Variants in DCHS2 observed in about 807,000 individuals in gnomAD.
The protein encoded by DCHS2 is dachsous cadherin-related 2.
Under a neutral mutation model 182.4 loss-of-function variants are expected in DCHS2, and 142 were observed. The ratio of observed to expected loss-of-function variants is 0.78; its 90% confidence interval spans 0.68 to 0.89. The LOEUF is 0.89. DCHS2 is among the 40% of genes least tolerant of loss of function. The pLI is 0.00. For synonymous variants in DCHS2, 1,740 were observed against 1,663.3 expected, an observed-to-expected ratio of 1.05 and a Z score of -1.12; for missense variants, 4,319 against 4,198.6, an observed-to-expected ratio of 1.03 and a Z score of -0.79.
chr4:154,292,759 C>A (rs551753009), intron 13 of DCHS2, among the ~76,000 whole-genome samples: 3 of 152,276 alleles, frequency 2.0e-5, no homozygotes, highest in African/African-American at 7.2e-5. Context: ...CTCAACCAAG[C>A]CCAGGGACTC....
At chr4:154,392,518 T>A (rs1188589578) in intron 1 of DCHS2, among the ~76,000 whole-genome samples, 3 of 152,220 alleles carry the variant, frequency 2.0e-5, no homozygotes, top group Non-Finnish European at 2.9e-5. Flanking sequence ...CAATATGGAC[T>A]GTGACTGACT....
intron 3 of DCHS2, among the ~76,000 whole-genome samples, chr4:154,335,621 G>T (rs764441891): frequency 2.0e-5 from 3 of 152,096 alleles, no homozygotes; most frequent in Non-Finnish European, 4.4e-5. Flanking sequence ...CTTGGGACTT[G>T]CCAGCCTTCA....
intron 1 of DCHS2, among the ~76,000 whole-genome samples, chr4:154,417,188 TGTGTGTGTGTGTGTGTGAGAGAGA>T (rs1560745688): frequency 5.4e-5 from 6 of 111,578 alleles, no homozygotes; most frequent in Non-Finnish European, 7.4e-5. Context: ...TGTGTGTGTG[TGTGTGTGTGTGTGTGTGAGAGAGA>T]GAGAGAGAGA....
At chr4:154,482,003 A>G (rs1735939463) in intron 1 of DCHS2, among the ~76,000 whole-genome samples, 1 of 152,208 alleles carries the variant, frequency 6.6e-6, no homozygotes, top group South Asian at 2.1e-4. Flanking sequence ...TGGGAAAGTG[A>G]TAAAGCCTGA....
In DCHS2 at chr4:154,463,690, TTTTC is replaced by T. The variant is rs1028994284; in HGVS notation, c.2052+25610_2052+25613del. On this transcript the variant is annotated intron_variant, in intron 1 of 19. Coordinates refer to ENST00000357232, the MANE Select transcript of DCHS2 (RefSeq NM_001358235.2). ...TAAAAATCCTGTAAGCTATTCTCTCTTTTCTCTCTCTCTCTCTCTCTCTCTCTCT... is the reference window on the plus strand; with the variant it reads ...TAAAAATCCTGTAAGCTATTCTCTCTTCTCTCTCTCTCTCTCTCTCTCTCT... Among the ~76,000 whole-genome samples, 9 of 79,436 alleles carry T rather than the reference TTTTC, an allele frequency of 1.1e-4. No homozygotes were observed. The East Asian group carries it at 1.3e-3, about 12-fold the overall frequency. The allele number at this position is 79,436 out of a possible 152,430, so 52.1% of individuals were successfully genotyped here. A position where few individuals can be genotyped will look rare whatever the true frequency, so the allele number is the denominator to read the frequency against.
chr4:154,353,253 A>G (rs1294807219), intron 3 of DCHS2, among the ~76,000 whole-genome samples: 1 of 152,158 alleles, frequency 6.6e-6, no homozygotes, highest in Non-Finnish European at 1.5e-5. Context: ...CCTTCACCCA[A>G]GGATTCAAAG....
At chr4:154,346,184 A>G (rs185392967) in intron 3 of DCHS2, among the ~76,000 whole-genome samples, 1 of 152,350 alleles carries the variant, frequency 6.6e-6, no homozygotes, top group Admixed American at 6.5e-5. Context: ...TCAACATATG[A>G]ATTTTGGAGG....
intron 10 of DCHS2, among the ~76,000 whole-genome samples, chr4:154,306,406 T>A (rs1735442827): frequency 6.6e-6 from 1 of 152,146 alleles, no homozygotes; most frequent in South Asian, 2.1e-4. Flanking sequence ...ATTATTTCAG[T>A]AACTTAAGGA....
At chr4:154,305,067 AT>A in intron 11 of DCHS2, 29 bp downstream of exon 11, 8 of 1,552,860 alleles carry the variant, frequency 5.2e-6, no homozygotes, top group Non-Finnish European at 6.9e-6. Context: ...TTTAATTTTT[AT>A]TTTTTAGCCT....
intron 1 of DCHS2, among the ~76,000 whole-genome samples, chr4:154,479,300 G>C (rs1032775356): frequency 7.2e-5 from 11 of 152,062 alleles, no homozygotes; most frequent in Admixed American, 2.0e-4. Context: ...AAAGAAAAAT[G>C]AACAGAGTCT....
At chr4:154,407,680 A>C (rs759521116) in intron 1 of DCHS2, among the ~76,000 whole-genome samples, 12 of 152,128 alleles carry the variant, frequency 7.9e-5, no homozygotes, top group Non-Finnish European at 1.6e-4. Flanking sequence ...TGCCCCACAC[A>C]ACCCTGAGAC....
chr4:154,373,925 C>T (rs370288128), intron 2 of DCHS2: 1 of 1,604,980 alleles, frequency 6.2e-7, no homozygotes, highest in African/African-American at 1.3e-5. Flanking sequence ...CTTACCTTCA[C>T]CAGGGCTAAA....
intron 1 of DCHS2, among the ~76,000 whole-genome samples, chr4:154,458,981 A>G (rs1026881652): frequency 4.6e-5 from 7 of 152,250 alleles, no homozygotes; most frequent in Non-Finnish European, 7.3e-5. Flanking sequence ...TGGAGATTTC[A>G]CAACAGAAAA....
chr4:154,427,374 C>T (rs535024444), intron 1 of DCHS2, among the ~76,000 whole-genome samples: 2 of 152,326 alleles, frequency 1.3e-5, no homozygotes, highest in East Asian at 3.9e-4. Context: ...ACAAGGCAAA[C>T]GCCGAGCTCT....
intron 1 of DCHS2, among the ~76,000 whole-genome samples, chr4:154,439,234 C>T (rs1282957602): frequency 6.6e-6 from 1 of 152,074 alleles, no homozygotes; most frequent in African/African-American, 2.4e-5. Context: ...ATATTTATGC[C>T]AGTATTTTTG....
At chr4:154,300,977 C>T (rs931944023) in intron 12 of DCHS2, among the ~76,000 whole-genome samples, 1 of 152,196 alleles carries the variant, frequency 6.6e-6, no homozygotes, top group African/African-American at 2.4e-5. Flanking sequence ...CACTTGGAAA[C>T]AGGTAGTTCT....
intron 13 of DCHS2, among the ~76,000 whole-genome samples, chr4:154,292,982 C>T (rs1053028667): frequency 1.3e-5 from 2 of 152,196 alleles, no homozygotes; most frequent in African/African-American, 4.8e-5. Flanking sequence ...GTCACTATCA[C>T]CCTAGCCCTC....
At chr4:154,390,897 G>T (rs1448413796) in intron 1 of DCHS2, among the ~76,000 whole-genome samples, 1 of 152,148 alleles carries the variant, frequency 6.6e-6, no homozygotes, top group Non-Finnish European at 1.5e-5. Context: ...CACACAAAAA[G>T]TATATGATTA....
At chr4:154,380,197 T>C (rs1296404328) in intron 1 of DCHS2, among the ~76,000 whole-genome samples, 6 of 152,150 alleles carry the variant, frequency 3.9e-5, no homozygotes, top group Non-Finnish European at 1.5e-5. Context: ...CTTAAACTGA[T>C]GATACAGCCT....
Sources: gnomAD v4.1 joint callset for allele counts (sites outside exome capture counted in the v4.1 genomes callset) on GRCh38, gnomAD v4.1.1 for gene constraint, MANE v1.5 for transcripts, NCBI Gene and HGNC (gene_info 2026-07-23, HGNC 2026-07-21) for gene names.